Variants in RIMS1 observed in about 807,000 individuals in gnomAD.
RIMS1 encodes regulating synaptic membrane exocytosis 1, also known as regulating synaptic membrane exocytosis protein 1.
RIMS1 carries 83 observed loss-of-function variants against 214.1 expected under a neutral mutation model. The ratio of observed to expected loss-of-function variants is 0.39; its 90% CI spans 0.32 to 0.47. RIMS1 has a LOEUF of 0.47. Ranked by LOEUF, RIMS1 falls within the 20% of genes least tolerant of loss-of-function variation. The pLI is 0.99. For missense variants in RIMS1, 2,050 were observed against 2,161.8 expected (o/e 0.95, Z 1.03); for synonymous variants, 793 against 786.8 (o/e 1.01, Z -0.13).
intron 2 of RIMS1, among the ~76,000 whole-genome samples, chr6:72,048,950 G>T (rs143438000): frequency 4.0e-4 from 61 of 152,262 alleles, no homozygotes; most frequent in African/African-American, 1.3e-3. Context: ...GGAAGAAAAG[G>T]GATGCAGGCA....
intron 29 of RIMS1, among the ~76,000 whole-genome samples, chr6:72,371,579 C>T (rs575342249): frequency 2.6e-5 from 4 of 152,350 alleles, no homozygotes; most frequent in Non-Finnish European, 5.9e-5. Context: ...ACTAACTTCT[C>T]TCCCAAGGAC....
Position 72,330,699 on chromosome 6 carries a change from A to G in RIMS1, c.4131-2901A>G, listed in dbSNP as rs991620027. On this transcript the variant is annotated intron_variant, in intron 28 of 33. Transcript: ENST00000521978. ...CAGATATGTATAAGCGATAGGAATA[A>G]TTTTTCAAGAAACAGAAGCAGAACA... Among the ~76,000 whole-genome samples, 3 of 151,752 alleles carry G rather than the reference A, an allele frequency of 2.0e-5. No homozygotes were observed. In the East Asian group the frequency reaches 5.8e-4, roughly 29 times the overall value.
At chr6:72,028,126 T>A (rs2151987741) in intron 2 of RIMS1, among the ~76,000 whole-genome samples, 1 of 152,260 alleles carries the variant, frequency 6.6e-6, no homozygotes, top group East Asian at 1.9e-4. Context: ...TTAAGTACAA[T>A]GATTATTTGA....
chr6:72,041,053 T>C (rs1287942388), intron 2 of RIMS1, among the ~76,000 whole-genome samples: 2 of 151,950 alleles, frequency 1.3e-5, no homozygotes, highest in African/African-American at 2.4e-5. Context: ...AATGACTGAC[T>C]TCATGCTTAC....
At chr6:71,961,521 C>A (rs1409568779) in intron 1 of RIMS1, among the ~76,000 whole-genome samples, 1 of 152,056 alleles carries the variant, frequency 6.6e-6, no homozygotes, top group African/African-American at 2.4e-5. Flanking sequence ...CAGCTTTCAT[C>A]TATGTTTGTA....
At chr6:71,910,466 C>CCGTCCATG (rs2150582378) in intron 1 of RIMS1, among the ~76,000 whole-genome samples, 2 of 152,130 alleles carry the variant, frequency 1.3e-5, no homozygotes, top group South Asian at 4.2e-4. Context: ...ATACAATGTC[C>CCGTCCATG]CGTCCATGCG....
At chr6:72,375,784 G>A (rs2098358298) in intron 29 of RIMS1, among the ~76,000 whole-genome samples, 1 of 152,158 alleles carries the variant, frequency 6.6e-6, no homozygotes, top group Non-Finnish European at 1.5e-5. Flanking sequence ...ATGGCCTGTA[G>A]GGGATCTCTG....
chr6:72,016,664 A>G (rs1035379086), intron 2 of RIMS1, among the ~76,000 whole-genome samples: 1 of 152,088 alleles, frequency 6.6e-6, no homozygotes, highest in South Asian at 2.1e-4. Flanking sequence ...TTTATGGAGG[A>G]TATAATTTTT....
intron 31 of RIMS1, among the ~76,000 whole-genome samples, chr6:72,397,901 AAAT>A (rs2098798003): frequency 6.6e-6 from 1 of 152,184 alleles, no homozygotes; most frequent in Non-Finnish European, 1.5e-5. Flanking sequence ...TGGATAATGA[AAAT>A]ACATATGGTT....
intron 15 of RIMS1, among the ~76,000 whole-genome samples, chr6:72,251,790 A>C (rs373680603): frequency 1.7e-4 from 26 of 151,828 alleles, no homozygotes; most frequent in African/African-American, 5.8e-4. Flanking sequence ...GGCTCACTGC[A>C]ACCTGCACCT....
chr6:72,048,490 G>C (rs1321081108), intron 2 of RIMS1, among the ~76,000 whole-genome samples: 1 of 152,068 alleles, frequency 6.6e-6, no homozygotes, highest in South Asian at 2.1e-4. Context: ...ACTAAAAGTT[G>C]CCTTCTCAAG....
chr6:72,059,110 C>CAACT (rs1827150562), intron 2 of RIMS1, among the ~76,000 whole-genome samples: 1 of 152,166 alleles, frequency 6.6e-6, no homozygotes, highest in Non-Finnish European at 1.5e-5. Flanking sequence ...TCACTGGGAA[C>CAACT]AACTATATGG....
rs138776915 is a variant in RIMS1 at position 71,941,672 on chromosome 6, T to A, written c.165-27311T>A. Among the ~76,000 whole-genome samples, 405 of 152,310 alleles carry A rather than the reference T, an allele frequency of 2.7e-3. 1 individual carries two copies. Among genetic ancestry groups the A allele is most frequent in the African/African-American group, 9.2e-3 (381 of 41,568 alleles). ...AGCTAGCCTTTTGCTCCATATTATG[T>A]CTGCTTTGAATCTACTTGTCACATT... On this transcript the variant is annotated intron_variant, in intron 1 of 33. Coordinates refer to ENST00000521978, the MANE Select transcript of RIMS1 (RefSeq NM_014989.7).
intron 12 of RIMS1, among the ~76,000 whole-genome samples, chr6:72,249,717 G>A (rs2072186857): frequency 6.6e-6 from 1 of 152,110 alleles, no homozygotes; most frequent in African/African-American, 2.4e-5. Context: ...GCTGCAGTGA[G>A]CTATGATCAT....
At chr6:72,257,747 C>A (rs2076467837) in intron 16 of RIMS1, among the ~76,000 whole-genome samples, 1 of 152,154 alleles carries the variant, frequency 6.6e-6, no homozygotes, top group Non-Finnish European at 1.5e-5. Flanking sequence ...AGACTCCAAA[C>A]TTCTAAGCAT....
intron 2 of RIMS1, among the ~76,000 whole-genome samples, chr6:72,010,812 C>G (rs546194719): frequency 6.6e-6 from 1 of 152,220 alleles, no homozygotes; most frequent in South Asian, 2.1e-4. Flanking sequence ...CAAACCACTG[C>G]TCAATGAAAT....
In RIMS1 at chr6:72,291,987, G is replaced by A. The variant is rs1044722458; in HGVS notation, c.3791G>A (p.Ser1264Asn). 12 of 1,564,658 alleles carry A rather than the reference G, an allele frequency of 7.7e-6. No homozygotes were observed. The Admixed American group carries it at 1.9e-4, about 25-fold the overall frequency. Residue 1264 changes from serine (S) to asparagine (N), a missense_variant, in exon 26 of 34, where the codon AGC becomes AAC. Around this residue, in one of 6 missense-constraint regions of RIMS1, gnomAD observed 889 missense variants for 885.5 expected, o/e 1.00. Coordinates refer to ENST00000521978, the MANE Select transcript of RIMS1 (RefSeq NM_014989.7). ...TCTCCTCCAGCAGACACATCGTTCA[G>A]CAGTCGCAGGGGAAGACAGCTCCCA... ...TQSPPADTSF[S>N]SRRGRQLPQV...
intron 4 of RIMS1, among the ~76,000 whole-genome samples, chr6:72,124,765 C>T (rs1244041085): frequency 6.6e-6 from 1 of 152,032 alleles, no homozygotes; most frequent in African/African-American, 2.4e-5. Flanking sequence ...CCACTTGATC[C>T]AATCGGCTAC....
chr6:71,908,024 C>T (rs1439007868), intron 1 of RIMS1, among the ~76,000 whole-genome samples: 1 of 152,138 alleles, frequency 6.6e-6, no homozygotes, highest in Non-Finnish European at 1.5e-5. Context: ...AAACCTTTCA[C>T]ACCACATGGC....
Sources: allele counts gnomAD v4.1 joint callset (sites outside exome capture counted in the v4.1 genomes callset), GRCh38; gene constraint gnomAD v4.1.1; regional missense constraint gnomAD v4.1.1; transcripts MANE v1.5; gene names NCBI Gene and HGNC (gene_info 2026-07-23, HGNC 2026-07-21).